Variants in SENP6 observed in about 807,000 individuals in gnomAD.
SENP6 encodes sentrin-specific protease 6.
Under a neutral mutation model 134.5 loss-of-function variants are expected in SENP6, and 41 were observed. That is an observed-to-expected ratio of 0.30 (90% CI 0.24 to 0.40). The LOEUF (loss-of-function observed/expected upper bound fraction) is 0.40. Among genes scored for constraint, SENP6 ranks in the 10% least tolerant of loss-of-function variants. The probability of loss-of-function intolerance (pLI) is 1.00; values close to 1 mark genes in which losing one functional copy is unlikely to be tolerated. For missense variants in SENP6, 1,248 were observed against 1,312.5 expected, an observed-to-expected ratio of 0.95 and a Z score of 0.76; for synonymous variants, 395 against 429.8, an observed-to-expected ratio of 0.92 and a Z score of 1.00.
chr6:75,681,849 C>T (rs1004584262), intron 16 of SENP6, among the ~76,000 whole-genome samples: 2 of 151,762 alleles, frequency 1.3e-5, no homozygotes, highest in Non-Finnish European at 2.9e-5. Context: ...GGCAACATAG[C>T]AAAATCCTCA....
At chr6:75,636,962 C>T (rs1769569703) in intron 5 of SENP6, among the ~76,000 whole-genome samples, 1 of 151,392 alleles carries the variant, frequency 6.6e-6, no homozygotes, top group Non-Finnish European at 1.5e-5. Context: ...CTCACTGCAG[C>T]CTCAAACTTC....
At chr6:75,636,846 C>T (rs972447295) in intron 5 of SENP6, among the ~76,000 whole-genome samples, 3 of 150,832 alleles carry the variant, frequency 2.0e-5, no homozygotes, top group South Asian at 4.2e-4. Context: ...TACAGCTTCT[C>T]CTAAATTTTC....
At chr6:75,712,534 T>A (rs993670785) in intron 21 of SENP6, among the ~76,000 whole-genome samples, 2 of 151,134 alleles carry the variant, frequency 1.3e-5, no homozygotes, top group Non-Finnish European at 3.0e-5. Context: ...AAAAAAAAAA[T>A]AATAGCCAAC....
chr6:75,691,314 T>A (rs1774235268), intron 16 of SENP6, among the ~76,000 whole-genome samples: 1 of 151,986 alleles, frequency 6.6e-6, no homozygotes, highest in African/African-American at 2.4e-5. Context: ...TGCTAATTTT[T>A]AAAATTTTCT....
intron 1 of SENP6, among the ~76,000 whole-genome samples, chr6:75,614,494 C>T (rs955173394): frequency 1.3e-5 from 2 of 152,130 alleles, no homozygotes; most frequent in African/African-American, 4.8e-5. Context: ...TCTCAAACTC[C>T]TGACCTTGTG....
intron 2 of SENP6, 70 bp downstream of exon 2, chr6:75,621,695 G>A: frequency 1.1e-6 from 1 of 897,484 alleles, no homozygotes; most frequent in Non-Finnish European, 1.8e-6. Context: ...AATTTCTATT[G>A]TATGGAAATA....
At chr6:75,638,578 GTGTGTGTGTGTGTATATATATATA>G (rs1165669168) in intron 5 of SENP6, among the ~76,000 whole-genome samples, 2 of 14,256 alleles carry the variant, frequency 1.4e-4, no homozygotes, top group East Asian at 1.8e-3. Context: ...GTGTGTGTGT[GTGTGTGTGTGTGTATATATATATA>G]TATATATATA....
At chr6:75,602,741 T>A (rs1766728250) in intron 1 of SENP6, among the ~76,000 whole-genome samples, 165 bp downstream of exon 1, 1 of 152,070 alleles carries the variant, frequency 6.6e-6, no homozygotes, top group Non-Finnish European at 1.5e-5. Context: ...CGCACCTGGT[T>A]CGAGTCCGCC....
intron 3 of SENP6, 97 bp from the exon 4 acceptor site, chr6:75,633,484 G>C: frequency 1.0e-6 from 1 of 997,880 alleles, no homozygotes; most frequent in Non-Finnish European, 1.4e-6. Context: ...CCCAATAGCT[G>C]TATGTTTTTA....
chr6:75,716,234 T>C lies in SENP6; in HGVS notation c.*640T>C, dbSNP rs1776013990. On this transcript the variant is annotated 3_prime_UTR_variant, in exon 24 of 24. Coordinates refer to ENST00000447266, the MANE Select transcript of SENP6 (RefSeq NM_015571.4). ...GAGCAATTCAAAAAAAGTAACCTTA[T>C]ACTACTAAAAAAAAAATTCTTGCAT... The C allele has an allele frequency of 6.6e-6, 1 of 151,872 alleles. No homozygotes were observed. The highest frequency in any genetic ancestry group is 2.4e-5 in the African/African-American group (1 of 41,436). The allele number at this position is 151,872 out of a possible 1,614,324, so 9.4% of individuals were successfully genotyped here. A position where few individuals can be genotyped will look rare whatever the true frequency, so the allele number is the denominator to read the frequency against.
Position 75,623,927 on chromosome 6 carries a change from A to T in SENP6, c.174A>T (p.Glu58Asp). 1 of 1,609,390 alleles carries T rather than the reference A, an allele frequency of 6.2e-7. No homozygotes were observed. The highest frequency in any genetic ancestry group is 8.5e-7 in the Non-Finnish European group (1 of 1,177,436). ...GGACAAATCTGCTCAGTGTGGATGA[A>T]GATGAGGATTCTGAAACCTCAAAAG... ...KDGTNLLSVD[E>D]DEDSETSKGK... Residue 58 changes from glutamate to aspartate, a missense_variant, in exon 3 of 24, where the codon GAA (glutamate) becomes GAT (aspartate). Physicochemically the swap from Glu to Asp is conservative, Grantham distance 45 (BLOSUM62 2). Around this residue, in one of 3 missense-constraint regions of SENP6, gnomAD observed 733 missense variants for 725.4 expected, o/e 1.01. Coordinates refer to ENST00000447266, the MANE Select transcript of SENP6 (RefSeq NM_015571.4).
chr6:75,689,448 A>G (rs6912963), intron 16 of SENP6, among the ~76,000 whole-genome samples: 40,077 of 152,060 alleles, frequency 0.26, 6,222 homozygotes, highest in Non-Finnish European at 0.37. Context: ...ATAAGTGTTG[A>G]TGAGGATGTG....
At position 75,677,045 on chromosome 6, in the gene SENP6, A is replaced by G. The variant is rs1264245947; in HGVS notation, c.1637A>G (p.Tyr546Cys). The change falls in exon 14 of 24, where the codon TAT becomes TGT. Residue 546 changes from tyrosine (Y) to cysteine (C), a missense_variant. This residue lies in a region of SENP6 where 733 missense variants were observed against 725.4 expected (regional missense o/e 1.01). Coordinates refer to ENST00000447266, the MANE Select transcript of SENP6 (RefSeq NM_015571.4). The stretch of plus-strand genomic sequence containing the variant: ...TTCTTTTCAGATTTAGAAGAACAAT[A>G]TATAATTTTAATTTTTCAAAATGGC... ...VNKLTNLEEQ[Y>C]IILIFQNGLD... 1 of 1,499,172 alleles carries G rather than the reference A, an allele frequency of 6.7e-7. No homozygotes were observed. 92.9% of individuals were successfully genotyped at this position (1,499,172 alleles called of 1,614,324 possible). A position where few individuals can be genotyped will look rare whatever the true frequency, so the allele number is the denominator to read the frequency against.
intron 16 of SENP6, among the ~76,000 whole-genome samples, chr6:75,682,483 G>A (rs1333324456): frequency 6.6e-6 from 1 of 151,630 alleles, no homozygotes; most frequent in East Asian, 1.9e-4. Context: ...GTATACATGT[G>A]CCATGTTGGT....
At chr6:75,666,139 GAT>G (rs1384921261) in intron 9 of SENP6, among the ~76,000 whole-genome samples, 85 of 119,318 alleles carry the variant, frequency 7.1e-4, no homozygotes, top group Middle Eastern at 4.2e-3. Flanking sequence ...ACGTATATAT[GAT>G]ATATATAAAA....
Position 75,677,192 on chromosome 6 carries a change from G to A in SENP6, c.1784G>A (p.Cys595Tyr), listed in dbSNP as rs746888218. ...FEEANGRLVACTRTYEESIKG... is the reference protein window; with the variant it reads ...FEEANGRLVAYTRTYEESIKG... ...GAAGCTAATGGCAGACTTGTTGCCTGTACAAGAACCTATGAAGAGAGCATC... is the reference window on the plus strand; with the variant it reads ...GAAGCTAATGGCAGACTTGTTGCCTATACAAGAACCTATGAAGAGAGCATC... Residue 595 changes from cysteine to tyrosine, a missense_variant, in exon 14 of 24, where the codon TGT (cysteine) becomes TAT (tyrosine). Physicochemically the swap from Cys to Tyr is radical, Grantham distance 194. Coordinates refer to ENST00000447266, the MANE Select transcript of SENP6 (RefSeq NM_015571.4). 2.5e-6 allele frequency: 4 copies of A among 1,612,178 alleles called. No homozygotes were observed. The highest frequency in any genetic ancestry group is 3.4e-6 in the Non-Finnish European group (4 of 1,179,046).
intron 23 of SENP6, 75 bp downstream of exon 23, chr6:75,713,900 C>A: frequency 1.8e-6 from 2 of 1,091,488 alleles, no homozygotes; most frequent in South Asian, 2.0e-5. Context: ...GTAAAAAACA[C>A]AATAAGCAAA....
chr6:75,627,619 G>A (rs1768795082), intron 3 of SENP6, among the ~76,000 whole-genome samples: 1 of 152,098 alleles, frequency 6.6e-6, no homozygotes. Context: ...AAAAATAAAA[G>A]ATGTTTTCTG....
chr6:75,628,971 C>A (rs888201907), intron 3 of SENP6, among the ~76,000 whole-genome samples: 2 of 152,186 alleles, frequency 1.3e-5, no homozygotes, highest in African/African-American at 4.8e-5. Flanking sequence ...GTGATCCACC[C>A]ACCTTGGCCT....
Sources: allele counts gnomAD v4.1 joint callset (sites outside exome capture counted in the v4.1 genomes callset), GRCh38; gene constraint gnomAD v4.1.1; regional missense constraint gnomAD v4.1.1; transcripts MANE v1.5; gene names NCBI Gene and HGNC (gene_info 2026-07-23, HGNC 2026-07-21).